UNC13C: variants seen among roughly 807,000 people sequenced by gnomAD.
UNC13C encodes the protein unc-13 homolog C, also known as protein unc-13 homolog C.
A neutral mutation model predicts 245.4 loss-of-function variants in UNC13C; 174 were observed. The observed-to-expected ratio is 0.71, with a 90% CI of 0.63 to 0.80. The LOEUF is 0.80. Among genes scored for constraint, UNC13C ranks in the 30% least tolerant of loss-of-function variants. The pLI is 0.00. For synonymous variants in UNC13C, 992 were observed against 895.1 expected, an observed-to-expected ratio of 1.11 and a Z score of -1.93; for missense variants, 2,829 against 2,602.9, an observed-to-expected ratio of 1.09 and a Z score of -1.89.
chr15:54,601,848 G>C (rs1451995643), intron 30 of UNC13C, among the ~76,000 whole-genome samples: 1 of 152,170 alleles, frequency 6.6e-6, no homozygotes, highest in African/African-American at 2.4e-5. Context: ...TGGAAATGCA[G>C]AAGCAGGCAA....
At chr15:54,085,752 G>A (rs932231856) in intron 2 of UNC13C, among the ~76,000 whole-genome samples, 1 of 152,024 alleles carries the variant, frequency 6.6e-6, no homozygotes, top group Non-Finnish European at 1.5e-5. Context: ...AGAAAACTAG[G>A]CACAAGACAA....
At chr15:54,121,227 A>C (rs926974520) in intron 2 of UNC13C, among the ~76,000 whole-genome samples, 1 of 152,156 alleles carries the variant, frequency 6.6e-6, no homozygotes, top group Non-Finnish European at 1.5e-5. Flanking sequence ...GTCACCTCAC[A>C]CTTCAACAAC....
the UNC13C span, among the ~76,000 whole-genome samples, chr15:53,889,965 T>C: frequency 5.9e-5 from 9 of 152,182 alleles, no homozygotes; most frequent in South Asian, 2.1e-4. Flanking sequence ...CAGTATTTTA[T>C]TGAGGATTTT....
chr15:54,325,334 A>G (rs564958367), intron 14 of UNC13C, among the ~76,000 whole-genome samples: 49 of 152,036 alleles, frequency 3.2e-4, no homozygotes, highest in Non-Finnish European at 6.3e-4. Flanking sequence ...GTGGTCAAAT[A>G]CCAAAGACAT....
At chr15:54,496,054 G>A (rs1439800420) in intron 20 of UNC13C, among the ~76,000 whole-genome samples, 1 of 151,954 alleles carries the variant, frequency 6.6e-6, no homozygotes, top group Non-Finnish European at 1.5e-5. Flanking sequence ...GTTGCTAAGA[G>A]AACATATTTT....
intron 19 of UNC13C, among the ~76,000 whole-genome samples, chr15:54,432,011 A>G (rs2040882463): frequency 6.6e-6 from 1 of 151,676 alleles, no homozygotes; most frequent in Non-Finnish European, 1.5e-5. Context: ...TCTATTATGT[A>G]TCAATAAAAT....
intron 18 of UNC13C, among the ~76,000 whole-genome samples, chr15:54,399,772 T>C (rs2040144582): frequency 6.6e-6 from 1 of 151,932 alleles, no homozygotes; most frequent in African/African-American, 2.4e-5. Context: ...TTTTTAAAGA[T>C]AGGATGTTTT....
intron 4 of UNC13C, among the ~76,000 whole-genome samples, chr15:54,171,988 A>G (rs1169707761): frequency 3.3e-5 from 5 of 152,112 alleles, no homozygotes; most frequent in Admixed American, 3.3e-4. Context: ...CGTTATGGTA[A>G]ATGAAATAAA....
chr15:54,444,420 A>G (rs1410878835), intron 19 of UNC13C, among the ~76,000 whole-genome samples: 1 of 151,766 alleles, frequency 6.6e-6, no homozygotes, highest in Non-Finnish European at 1.5e-5. Context: ...TATGTCAGAT[A>G]ACAGGAAAAG....
At chr15:53,935,995 A>C in the UNC13C span, among the ~76,000 whole-genome samples, 1 of 152,152 alleles carries the variant, frequency 6.6e-6, no homozygotes, top group Non-Finnish European at 1.5e-5. Flanking sequence ...TTATTCCCCT[A>C]GGAAGGGGTC....
intron 15 of UNC13C, among the ~76,000 whole-genome samples, chr15:54,333,210 A>G (rs1402187838): frequency 6.6e-6 from 1 of 152,082 alleles, no homozygotes; most frequent in African/African-American, 2.4e-5. Flanking sequence ...TTCCTTCAAA[A>G]TTATAAACAT....
At chr15:54,150,619 A>T (rs753210944) in intron 4 of UNC13C, among the ~76,000 whole-genome samples, 2 of 152,160 alleles carry the variant, frequency 1.3e-5, no homozygotes, top group Non-Finnish European at 2.9e-5. Flanking sequence ...ATTTTGGCCT[A>T]CCTCCAGCTC....
At chr15:54,613,142 C>T (rs942577645) in intron 30 of UNC13C, among the ~76,000 whole-genome samples, 3 of 151,804 alleles carry the variant, frequency 2.0e-5, no homozygotes, top group African/African-American at 7.2e-5. Flanking sequence ...GATTTACTCA[C>T]TACAAAATCA....
At chr15:54,094,121 T>A (rs895264639) in intron 2 of UNC13C, among the ~76,000 whole-genome samples, 1 of 152,104 alleles carries the variant, frequency 6.6e-6, no homozygotes, top group African/African-American at 2.4e-5. Flanking sequence ...TGTTTCTTGG[T>A]GACATGGAGC....
intron 26 of UNC13C, among the ~76,000 whole-genome samples, chr15:54,533,382 T>G (rs16974744): frequency 0.078 from 11,806 of 152,180 alleles, 1,225 homozygotes; most frequent in African/African-American, 0.23. Flanking sequence ...CCATATTGTT[T>G]TCAATCCTCC....
At chr15:53,973,122 A>C in the UNC13C span, among the ~76,000 whole-genome samples, 8 of 152,184 alleles carry the variant, frequency 5.3e-5, no homozygotes, top group Non-Finnish European at 7.4e-5. Flanking sequence ...CATAAATAGC[A>C]TATGGCCATA....
chr15:54,156,074 T>C (rs16974167), intron 4 of UNC13C, among the ~76,000 whole-genome samples: 4,373 of 152,270 alleles, frequency 0.029, 213 homozygotes, highest in African/African-American at 0.1. Context: ...GTTATTCTGG[T>C]CAAACAATAA....
the UNC13C span, among the ~76,000 whole-genome samples, chr15:53,910,221 G>T: frequency 6.9e-6 from 1 of 145,474 alleles, no homozygotes; most frequent in African/African-American, 2.4e-5. Flanking sequence ...AATGTGTGCA[G>T]TTTCCCTTCT....
At chr15:54,215,185 A>G (rs80007960) in intron 4 of UNC13C, among the ~76,000 whole-genome samples, 4,546 of 82,424 alleles carry the variant, frequency 0.055, 228 homozygotes, top group African/African-American at 0.17. Flanking sequence ...TTGAGTTGTT[A>G]AAAGTTAATC....
Sources: gnomAD v4.1 joint callset for allele counts (sites outside exome capture counted in the v4.1 genomes callset) on GRCh38, gnomAD v4.1.1 for gene constraint, MANE v1.5 for transcripts, NCBI Gene and HGNC (gene_info 2026-07-23, HGNC 2026-07-21) for gene names.